TIGD7: variants seen among roughly 807,000 people sequenced by gnomAD.
TIGD7 encodes the protein tigger transposable element-derived protein 7.
Under a neutral mutation model 24.8 loss-of-function variants are expected in TIGD7, and 26 were observed. The observed-to-expected ratio is 1.05, with a 90% CI of 0.77 to 1.45. TIGD7 has a LOEUF of 1.45. TIGD7 is among the 40% of genes most tolerant of loss of function. TIGD7 has a pLI of 0.00. For missense variants in TIGD7, 679 were observed against 641.6 expected (o/e 1.06, Z -0.63); for synonymous variants, 221 against 224.1 (o/e 0.99, Z 0.12).
Position 3,299,704 on chromosome 16 carries a change from G to C in TIGD7, c.911C>G (p.Ser304Cys), listed in dbSNP as rs373549169. Residue 304 changes from serine to cysteine, a missense_variant, in exon 2 of 2, where the codon TCT becomes TGT. Coordinates refer to ENST00000396862, the MANE Select transcript of TIGD7 (RefSeq NM_033208.4). ...LLDSCPAHPSSESLTSEDGRI... is the reference protein window; with the variant it reads ...LLDSCPAHPSCESLTSEDGRI... ...ACCATCCTCACTGGTTAGGGATTCA[G>C]AGGAAGGATGAGCCGGGCAACTGTC... 61 of 1,536,772 alleles carry C rather than the reference G, an allele frequency of 4.0e-5. 1 individual carries two copies. The highest frequency in any genetic ancestry group is 1.8e-4 in the Admixed American group (8 of 45,384).
At position 3,299,670 on chromosome 16, in the gene TIGD7, T is replaced by C. The variant is rs200083713; in HGVS notation, c.945A>G (p.Lys315=). 295 of 1,547,972 alleles carry C rather than the reference T, an allele frequency of 1.9e-4. 2 individuals are homozygous for C. The highest frequency in any genetic ancestry group is 1.8e-4 in the Admixed American group (8 of 45,624). ...ESLTSEDGRI[K]CMFFPHNTST... ...AAGTGTTATGGGGGAAGAACATACA[T>C]TTTATTCGACCATCCTCACTGGTTA... Residue 315 remains lysine, a synonymous_variant, in exon 2 of 2, where the codon AAA becomes AAG. Transcript: ENST00000396862.
Position 3,299,235 on chromosome 16 carries a change from T to G in TIGD7, c.1380A>C (p.Glu460Asp). ...CAGCTTCTCCTCCTTTTTGAACAAC[T>G]TCCTTTGTTATTCCACCTTTGGTTT... ...LLKTKGGITKEVVQKGGEAEK... is the reference protein window; with the variant it reads ...LLKTKGGITKDVVQKGGEAEK... The change falls in exon 2 of 2, where the codon GAA (glutamate) becomes GAC (aspartate). Residue 460 changes from glutamate (E) to aspartate (D), a missense_variant. Coordinates refer to ENST00000396862, the MANE Select transcript of TIGD7 (RefSeq NM_033208.4). 1 of 1,611,324 alleles carries G rather than the reference T, an allele frequency of 6.2e-7. No individual in the cohort carries two copies. Among genetic ancestry groups the G allele is most frequent in the Non-Finnish European group, 8.5e-7 (1 of 1,179,232 alleles).
At position 3,300,325 on chromosome 16, in the gene TIGD7, G is replaced by A. The variant is rs1223622404; in HGVS notation, c.290C>T (p.Pro97Leu). 9 of 1,614,058 alleles carry A rather than the reference G, an allele frequency of 5.6e-6. No individual in the cohort carries two copies. Among genetic ancestry groups the A allele is most frequent in the African/African-American group, 2.7e-5 (2 of 74,912 alleles). Reference sequence around the variant, plus strand: ...AGCCTGAAGCTCCACGCCTCTTACCGGAACACCGGCTGAGCGTTTCTGTTG... The same window carrying A: ...AGCCTGAAGCTCCACGCCTCTTACCAGAACACCGGCTGAGCGTTTCTGTTG... ...WYQQKRSAGV[P>L]VRGVELQAAA... The change falls in exon 2 of 2, where the codon CCG becomes CTG. Residue 97 changes from proline to leucine, a missense_variant. By Grantham distance (98) the Pro-to-Leu change is moderately conservative. Transcript: ENST00000396862.
At position 3,299,766 on chromosome 16, in the gene TIGD7, T is replaced by G; in HGVS notation, c.849A>C (p.Arg283Ser). Reference protein sequence around the residue: ...EVRHFQLNVLRFHDEDVRALL... With the variant: ...EVRHFQLNVLSFHDEDVRALL... ...ATGCCCTGACGTCCTCGTCATGAAA[T>G]CTTAGAACATTAAGTTGAAAATGTC... The change falls in exon 2 of 2, where the codon AGA (arginine) becomes AGC (serine). Residue 283 changes from arginine (R) to serine (S), a missense_variant. Transcript: ENST00000396862. 8 of 1,555,574 alleles carry G rather than the reference T, an allele frequency of 5.1e-6. No individual in the cohort carries two copies. Among genetic ancestry groups the G allele is most frequent in the Non-Finnish European group, 6.9e-6 (8 of 1,156,252 alleles).
Position 3,299,729 on chromosome 16 carries a change from CCAGA to C in TIGD7, c.882_885del (p.Leu295ThrfsTer12), listed in dbSNP as rs774502030. The stretch of plus-strand genomic sequence containing the variant: ...GAGGAAGGATGAGCCGGGCAACTGT[CCAGA>C]AGTAACAATGCCCTGACGTCCTCGT... On this transcript the variant is annotated frameshift_variant, in exon 2 of 2. Coordinates refer to ENST00000396862, the MANE Select transcript of TIGD7 (RefSeq NM_033208.4). LOFTEE classifies it low-confidence loss of function (END_TRUNC). 4.0e-5 allele frequency: 62 copies of C among 1,540,212 alleles called. No individual in the cohort carries two copies. Among genetic ancestry groups the C allele is most frequent in the Middle Eastern group, 1.8e-4 (1 of 5,714 alleles).
At position 3,299,816 on chromosome 16, in the gene TIGD7, A is replaced by T; in HGVS notation, c.799T>A (p.Phe267Ile). ...CGGACCTCAGGAACAAAGTTTTGAA[A>T]AAACCATTCTGAAAACAATTCTCTG... Reference protein sequence around the residue: ...FTRELFSEWFFQNFVPEVRHF... With the variant: ...FTRELFSEWFIQNFVPEVRHF... The change falls in exon 2 of 2, where the codon TTT becomes ATT. Residue 267 changes from phenylalanine (F) to isoleucine (I), a missense_variant. Transcript: ENST00000396862. The T allele has an allele frequency of 6.3e-7, 1 of 1,588,678 alleles. No homozygotes were observed. Among genetic ancestry groups the T allele is most frequent in the Non-Finnish European group, 8.5e-7 (1 of 1,171,134 alleles).
intron 1 of TIGD7, among the ~76,000 whole-genome samples, chr16:3,304,211 T>G (rs1476516406): frequency 2.0e-5 from 3 of 152,198 alleles, no homozygotes; most frequent in Admixed American, 6.5e-5. Flanking sequence ...TAAACTCGTT[T>G]TCTAACTTTT....
chr16:3,303,236 G>A (rs1959989973), intron 1 of TIGD7, among the ~76,000 whole-genome samples: 1 of 152,158 alleles, frequency 6.6e-6, no homozygotes, highest in African/African-American at 2.4e-5. Flanking sequence ...AAGCCACTAT[G>A]GCAGCAAACC....
At position 3,300,201 on chromosome 16, in the gene TIGD7, T is replaced by A; in HGVS notation, c.414A>T (p.Arg138=). 8 of 1,614,248 alleles carry A rather than the reference T, an allele frequency of 5.0e-6. No homozygotes were observed. The highest frequency in any genetic ancestry group is 5.1e-6 in the Non-Finnish European group (6 of 1,180,052). The change falls in exon 2 of 2, where the codon CGA becomes CGT. Residue 138 remains arginine (R), a synonymous_variant. Coordinates refer to ENST00000396862, the MANE Select transcript of TIGD7 (RefSeq NM_033208.4). ...TTAGGACTTGTTCCCCACATCCTTT[T>A]CGGTTCCCAATTGCATGCCGATTTC... ...RFRNRHAIGN[R]KGCGEQVLSS...
intron 1 of TIGD7, among the ~76,000 whole-genome samples, chr16:3,304,203 A>AAC (rs1262595855): frequency 6.6e-6 from 1 of 152,130 alleles, no homozygotes; most frequent in African/African-American, 2.4e-5. Flanking sequence ...GTGCCACATA[A>AAC]ACTCGTTTTC....
chr16:3,303,168 C>A (rs1959988006), intron 1 of TIGD7, among the ~76,000 whole-genome samples: 3 of 152,148 alleles, frequency 2.0e-5, no homozygotes, highest in African/African-American at 7.2e-5. Context: ...AGTGCCCAAG[C>A]AAGGGGAGGT....
In TIGD7 at chr16:3,299,274, CT is replaced by C; in HGVS notation, c.1340del (p.Lys447ArgfsTer5). ...CACCTTTGGTTTTTAGGAGACAACC[CT>C]TTTCTTCATCTCCATTTAACCACAC... ...DRVWLNGDEE[K>X]GCLLKTKGGI... is the part of the protein sequence containing the mutation. On this transcript the variant is annotated frameshift_variant, in exon 2 of 2. Transcript: ENST00000396862. LOFTEE classifies it low-confidence loss of function (END_TRUNC). 1.2e-6 allele frequency: 2 copies of C among 1,610,552 alleles called. No homozygotes were observed. The highest frequency in any genetic ancestry group is 1.7e-5 in the Admixed American group (1 of 59,264).
Position 3,299,921 on chromosome 16 carries a change from A to G in TIGD7, c.694T>C (p.Ser232Pro), listed in dbSNP as rs1416300439. 1 of 1,612,156 alleles carries G rather than the reference A, an allele frequency of 6.2e-7. No individual in the cohort carries two copies. The highest frequency in any genetic ancestry group is 2.2e-5 in the East Asian group (1 of 44,872). The change falls in exon 2 of 2, where the codon TCA (serine) becomes CCA (proline). Residue 232 changes from serine (S) to proline (P), a missense_variant. Ser to Pro is a moderately conservative substitution (Grantham distance 74). Coordinates refer to ENST00000396862, the MANE Select transcript of TIGD7 (RefSeq NM_033208.4). ...HKLKSIIIGK[S>P]KLPKSVKEDT... is the part of the protein sequence containing the mutation. ...TCTTTCACACTTTTGGGCAGTTTTGATTTTCCAATAATGATTGACTTTAAT... is the reference window on the plus strand; with the variant it reads ...TCTTTCACACTTTTGGGCAGTTTTGGTTTTCCAATAATGATTGACTTTAAT...
At chr16:3,305,162 C>G (rs1450742792) in intron 1 of TIGD7, 50 bp downstream of exon 1, 1 of 152,224 alleles carries the variant, frequency 6.6e-6, no homozygotes, top group African/African-American at 2.4e-5. Context: ...GCCGGCCGGG[C>G]CGCGGGAAGC....
rs768304115 is a variant in TIGD7 at position 3,299,535 on chromosome 16, CTCA to C, written c.1077_1079del (p.Asp359del). 5.2e-6 allele frequency: 8 copies of C among 1,526,512 alleles called. No homozygotes were observed. The highest frequency in any genetic ancestry group is 7.0e-6 in the Non-Finnish European group (8 of 1,141,326). 94.6% of individuals were successfully genotyped at this position (1,526,512 alleles called of 1,614,324 possible). ...AAACTCCTTTATCTCCTTTCTCTTG[CTCA>C]TCATCACTTTCTTCAAATATTACAA... On this transcript the variant is annotated inframe_deletion, in exon 2 of 2. Coordinates refer to ENST00000396862, the MANE Select transcript of TIGD7 (RefSeq NM_033208.4).
intron 1 of TIGD7, chr16:3,304,952 GGAGA>G (rs1351892243): frequency 6.6e-6 from 1 of 152,210 alleles, no homozygotes; most frequent in African/African-American, 2.4e-5. Flanking sequence ...TCTCTGTCAA[GGAGA>G]GATAGAAAAA....
chr16:3,302,889 G>C (rs1046723316), intron 1 of TIGD7, among the ~76,000 whole-genome samples: 9 of 147,542 alleles, frequency 6.1e-5, no homozygotes, highest in Non-Finnish European at 1.3e-4. Context: ...CCAGGCTGGA[G>C]TGCAGTGACA....
Position 3,299,874 on chromosome 16 carries a change from C to T in TIGD7, c.741G>A (p.Val247=). The T allele has an allele frequency of 6.2e-7, 1 of 1,600,056 alleles. No individual in the cohort carries two copies. Among genetic ancestry groups the T allele is most frequent in the Non-Finnish European group, 8.5e-7 (1 of 1,173,642 alleles). ...AAACATCTTTACTGGGTTTATATAT[C>T]ACAGGCAATGTACTTGTGTCCTCTT... ...SVKEDTSTLP[V]IYKPSKDVWF... The change falls in exon 2 of 2, where the codon GTG becomes GTA. Residue 247 remains valine (V), a synonymous_variant. Transcript: ENST00000396862.
chr16:3,300,211 A>T lies in TIGD7; in HGVS notation c.404T>A (p.Ile135Asn). The change falls in exon 2 of 2, where the codon ATT becomes AAT. Residue 135 changes from isoleucine to asparagine, a missense_variant. By Grantham distance (149) the Ile-to-Asn change is moderately radical (BLOSUM62 -3). Transcript: ENST00000396862. The part of the protein sequence containing the change: ...WLFRFRNRHA[I>N]GNRKGCGEQV... ...TTCCCCACATCCTTTTCGGTTCCCA[A>T]TTGCATGCCGATTTCGAAATCTAAA... The T allele has an allele frequency of 6.2e-7, 1 of 1,614,242 alleles. No individual in the cohort carries two copies. Among genetic ancestry groups the T allele is most frequent in the South Asian group, 1.1e-5 (1 of 91,092 alleles).
Sources: allele counts gnomAD v4.1 joint callset (sites outside exome capture counted in the v4.1 genomes callset), GRCh38; gene constraint gnomAD v4.1.1; transcripts MANE v1.5; gene names NCBI Gene and HGNC (gene_info 2026-07-23, HGNC 2026-07-21).